Variants in NLGN1 observed in about 807,000 individuals in gnomAD.
NLGN1 encodes neuroligin 1, also known as neuroligin-1.
NLGN1 carries 12 observed loss-of-function variants against 65.5 expected under a neutral mutation model. The observed-to-expected ratio is 0.18, with a 90% confidence interval of 0.12 to 0.30. The LOEUF is 0.30. Among genes scored for constraint, NLGN1 ranks in the 10% least tolerant of loss-of-function variants. The pLI is 1.00. For synonymous variants in NLGN1, 350 were observed against 359.5 expected (o/e 0.97, Z 0.30); for missense variants, 750 against 1,007.1 (o/e 0.74, Z 3.46).
At chr3:173,604,775 T>A (rs554696421) in exon 3 of NLGN1, 2 of 1,613,552 alleles carry the variant, frequency 1.2e-6, no homozygotes, top group Admixed American at 1.7e-5. Flanking sequence ...CTACCAACTT[T>A]GGAAAGATAA....
intron 4 of NLGN1, among the ~76,000 whole-genome samples, chr3:174,160,272 GT>G (rs994524800): frequency 4.0e-5 from 6 of 151,468 alleles, no homozygotes; most frequent in African/African-American, 1.2e-4. Flanking sequence ...ATCTCGTTTG[GT>G]TTTTTTCTCA....
In NLGN1 at chr3:173,910,587, A is replaced by G. The variant is rs532458989; in HGVS notation, c.646+102755A>G. The G allele has an allele frequency of 8.5e-5, 13 of 152,342 alleles. No individual in the cohort carries two copies. The South Asian group carries it at 2.3e-3, about 27-fold the overall frequency. The allele number at this position is 152,342 out of a possible 1,614,324, so 9.4% of individuals were successfully genotyped here. On this transcript the variant is annotated intron_variant, in intron 4 of 6. Coordinates refer to ENST00000457714, the Ensembl canonical transcript of NLGN1. ...TGTATTTTCTAGTATCCTTTGATTT[A>G]GATCTATACAAGGTATGCAGATTTT...
chr3:174,014,648 C>G lies in NLGN1; in HGVS notation c.646+206816C>G, dbSNP rs532999289. Among the ~76,000 whole-genome samples the G allele has an allele frequency of 2.0e-5, 3 of 152,248 alleles. No individual in the cohort carries two copies. In the South Asian group the frequency reaches 6.2e-4, roughly 32 times the overall value. On this transcript the variant is annotated intron_variant, in intron 4 of 6. Transcript: ENST00000457714. ...GACATGCCTCATCTCTTTCCTTGATCTCAATGGCATGTCATAAAATATAGA... is the reference window on the plus strand; with the variant it reads ...GACATGCCTCATCTCTTTCCTTGATGTCAATGGCATGTCATAAAATATAGA...
chr3:174,265,265 G>A (rs1233554408), intron 4 of NLGN1, among the ~76,000 whole-genome samples: 1 of 151,512 alleles, frequency 6.6e-6, no homozygotes. Context: ...AATGGCGGGC[G>A]CCACTCCCCC....
At chr3:173,937,693 G>A (rs1745298334) in intron 4 of NLGN1, among the ~76,000 whole-genome samples, 1 of 152,072 alleles carries the variant, frequency 6.6e-6, no homozygotes, top group South Asian at 2.1e-4. Flanking sequence ...CTTGACAAGT[G>A]ATTTTATTTA....
intron 4 of NLGN1, among the ~76,000 whole-genome samples, chr3:173,873,827 T>C (rs1366660241): frequency 6.6e-6 from 1 of 152,188 alleles, no homozygotes. Context: ...AGTCATATGT[T>C]GCGTACCTAA....
chr3:173,841,889 A>G (rs2150679280), intron 4 of NLGN1, among the ~76,000 whole-genome samples: 1 of 152,328 alleles, frequency 6.6e-6, no homozygotes, highest in South Asian at 2.1e-4. Context: ...ATAGAATAGT[A>G]GGGACAGTAT....
intron 3 of NLGN1, among the ~76,000 whole-genome samples, chr3:173,769,046 G>T (rs978444290): frequency 7.2e-5 from 11 of 152,060 alleles, no homozygotes; most frequent in Middle Eastern, 3.2e-3. Context: ...TGGGATTACA[G>T]GCCCAGCCTC....
intron 2 of NLGN1, among the ~76,000 whole-genome samples, chr3:173,448,350 A>G (rs1420614299): frequency 6.6e-6 from 1 of 152,198 alleles, no homozygotes; most frequent in Non-Finnish European, 1.5e-5. Context: ...TTCTGTTTAT[A>G]TGCTGGATTA....
chr3:174,014,204 A>T (rs1404679436), intron 4 of NLGN1, among the ~76,000 whole-genome samples: 1 of 152,236 alleles, frequency 6.6e-6, no homozygotes, highest in Non-Finnish European at 1.5e-5. Context: ...AAAAGAAAAA[A>T]TAGTCAAATC....
chr3:173,941,277 G>A (rs1336154877), intron 4 of NLGN1, among the ~76,000 whole-genome samples: 1 of 151,896 alleles, frequency 6.6e-6, no homozygotes, highest in Non-Finnish European at 1.5e-5. Flanking sequence ...AAATTGAATG[G>A]CAGTTCATTT....
chr3:173,918,702 G>GTA (rs763046532), intron 4 of NLGN1, among the ~76,000 whole-genome samples: 75 of 68,022 alleles, frequency 1.1e-3, no homozygotes, highest in African/African-American at 3.4e-3. Context: ...GTGTGTGTGT[G>GTA]TATATATATA....
intron 2 of NLGN1, among the ~76,000 whole-genome samples, chr3:173,599,756 G>A (rs1750118269): frequency 6.6e-6 from 1 of 152,058 alleles, no homozygotes; most frequent in East Asian, 1.9e-4. Context: ...CCTGGTTTCT[G>A]TATTTGCAAA....
At chr3:173,684,152 A>C (rs1171939218) in intron 3 of NLGN1, among the ~76,000 whole-genome samples, 1 of 152,182 alleles carries the variant, frequency 6.6e-6, no homozygotes. Context: ...ACAGAAAATA[A>C]TTTGAAGTGA....
intron 4 of NLGN1, among the ~76,000 whole-genome samples, chr3:173,863,965 G>C (rs1729635468): frequency 6.6e-6 from 1 of 152,216 alleles, no homozygotes; most frequent in South Asian, 2.1e-4. Context: ...CAACGTAACA[G>C]AGCTGCCTTC....
chr3:173,882,540 A>G (rs1733543104), intron 4 of NLGN1, among the ~76,000 whole-genome samples: 1 of 152,216 alleles, frequency 6.6e-6, no homozygotes. Context: ...CCTGCTTCAC[A>G]TTGCACTTTT....
At chr3:174,270,658 T>C (rs559042978) in intron 4 of NLGN1, among the ~76,000 whole-genome samples, 2 of 151,868 alleles carry the variant, frequency 1.3e-5, no homozygotes, top group East Asian at 3.9e-4. Flanking sequence ...GTTAATTGAC[T>C]AATTAGAATG....
chr3:173,535,936 C>T (rs958220163), intron 2 of NLGN1, among the ~76,000 whole-genome samples: 14 of 152,156 alleles, frequency 9.2e-5, no homozygotes, highest in African/African-American at 2.9e-4. Context: ...CTGTCTGAGA[C>T]ATATTAACTC....
chr3:174,227,078 A>G (rs1179522527), intron 4 of NLGN1, among the ~76,000 whole-genome samples: 4 of 152,192 alleles, frequency 2.6e-5, no homozygotes, highest in South Asian at 2.1e-4. Flanking sequence ...TTTAAGAGCA[A>G]TGAGGACCAA....
Sources: allele counts gnomAD v4.1 joint callset (sites outside exome capture counted in the v4.1 genomes callset), GRCh38; gene constraint gnomAD v4.1.1; transcripts MANE v1.5; gene names NCBI Gene and HGNC (gene_info 2026-07-23, HGNC 2026-07-21).